Variants in MBP observed in about 807,000 individuals in gnomAD.
MBP encodes Golli-MBP.
A neutral mutation model predicts 35.8 loss-of-function variants in MBP; 16 were observed. The observed-to-expected ratio is 0.45, with a 90% CI of 0.30 to 0.68. The LOEUF (loss-of-function observed/expected upper bound fraction) is 0.68. Among genes scored for constraint, MBP ranks in the 30% least tolerant of loss-of-function variants. MBP has a pLI of 0.08. For missense variants in MBP, 380 were observed against 404.7 expected (o/e 0.94, Z 0.52); for synonymous variants, 143 against 159.6 (o/e 0.90, Z 0.78).
At chr18:77,087,958 C>T (rs1234148379) in intron 2 of MBP, among the ~76,000 whole-genome samples, 1 of 151,936 alleles carries the variant, frequency 6.6e-6, no homozygotes. Flanking sequence ...GTCCACGCGG[C>T]GCCTGGAGGG....
At chr18:77,062,373 C>G (rs765671509) in intron 3 of MBP, among the ~76,000 whole-genome samples, 24 of 152,132 alleles carry the variant, frequency 1.6e-4, no homozygotes, top group South Asian at 2.1e-4. Context: ...CGCTTAGCAG[C>G]AACTGGTCTA....
intron 2 of MBP, among the ~76,000 whole-genome samples, chr18:77,078,779 G>T (rs1262197074): frequency 6.6e-6 from 1 of 152,234 alleles, no homozygotes; most frequent in Non-Finnish European, 1.5e-5. Context: ...TCCTGTCTTG[G>T]CTGGCAGGGG....
chr18:77,017,423 C>CT, intron 3 of MBP, 155 bp from the exon 4 acceptor site: 1 of 532,358 alleles, frequency 1.9e-6, no homozygotes, highest in Non-Finnish European at 3.0e-6. Flanking sequence ...TGGAGCTAAC[C>CT]TGGATGGAGC....
intron 4 of MBP, chr18:77,004,852 G>A (rs975335395): frequency 6.6e-6 from 1 of 152,288 alleles, no homozygotes; most frequent in Non-Finnish European, 1.5e-5. Context: ...CAGAGATTCA[G>A]ATACTGCTTT....
intron 4 of MBP, chr18:77,012,792 C>T: frequency 2.0e-6 from 2 of 985,348 alleles, no homozygotes; most frequent in Non-Finnish European, 2.4e-6. Flanking sequence ...GTACACTGTC[C>T]TTGGTCTGTT....
chr18:76,980,637 G>A (rs1599445973), intron 8 of MBP, 166 bp from the exon 9 acceptor site: 1 of 610,986 alleles, frequency 1.6e-6, no homozygotes, highest in Non-Finnish European at 2.9e-6. Flanking sequence ...CATTTCTCCC[G>A]ACCTCCCTCA....
At chr18:77,122,247 AGCCC>A (rs1246321055) in intron 1 of MBP, among the ~76,000 whole-genome samples, 2 of 152,222 alleles carry the variant, frequency 1.3e-5, no homozygotes, top group African/African-American at 4.8e-5. Context: ...GTAGCATTTA[AGCCC>A]CTTGTAAACA....
intron 2 of MBP, among the ~76,000 whole-genome samples, chr18:77,087,954 G>C (rs1449043436): frequency 6.6e-6 from 1 of 151,968 alleles, no homozygotes; most frequent in Non-Finnish European, 1.5e-5. Context: ...CTATGTCCAC[G>C]CGGCGCCTGG....
intron 2 of MBP, among the ~76,000 whole-genome samples, chr18:77,104,565 T>C (rs1482742040): frequency 1.3e-5 from 2 of 152,212 alleles, no homozygotes; most frequent in Non-Finnish European, 2.9e-5. Context: ...CCATGGTGGG[T>C]GAGAAGAAAG....
chr18:77,063,921 TGTA>T (rs1974088035), intron 3 of MBP, among the ~76,000 whole-genome samples: 1 of 148,612 alleles, frequency 6.7e-6, no homozygotes, highest in Non-Finnish European at 1.5e-5. Flanking sequence ...TGTGTGTGTG[TGTA>T]TGTGTGTATT....
chr18:76,993,550 CAAAA>C (rs60296914), intron 4 of MBP, among the ~76,000 whole-genome samples: 2 of 112,836 alleles, frequency 1.8e-5, no homozygotes, highest in African/African-American at 6.6e-5. Flanking sequence ...ACTTTGTCTC[CAAAA>C]AAAAAAAAAA....
intron 2 of MBP, among the ~76,000 whole-genome samples, chr18:77,066,782 G>T (rs558414192): frequency 8.1e-4 from 124 of 152,350 alleles, no homozygotes; most frequent in South Asian, 1.7e-3. Context: ...GACACCTTTG[G>T]CTAACTGGAA....
intron 3 of MBP, among the ~76,000 whole-genome samples, chr18:77,028,327 G>A (rs975884862): frequency 5.7e-4 from 78 of 137,146 alleles, no homozygotes; most frequent in African/African-American, 2.0e-3. Context: ...CGATCAACAG[G>A]ATCCCAAGGC....
intron 3 of MBP, among the ~76,000 whole-genome samples, chr18:77,034,051 CAAAAA>C (rs398033591): frequency 8.5e-5 from 6 of 70,500 alleles, no homozygotes; most frequent in African/African-American, 1.6e-4. Flanking sequence ...CCTAATGGGG[CAAAAA>C]AAAAAAAAAA....
Position 77,017,121 on chromosome 18 carries a change from GA to G in MBP, c.286del (p.Ser96ProfsTer38). On this transcript the variant is annotated frameshift_variant, in exon 4 of 9. Transcript: ENST00000355994. LOFTEE classifies it high-confidence loss of function. ...GSRPHLIRLFSRDAPGREDNT... is the reference protein window; with the variant it reads ...GSRPHLIRLFXRDAPGREDNT... ...GTCCTCCCTCCCCGGGGCATCTCGG[GA>G]AAAGAGGCGGATCAAGTGGGGGCGG... 6.3e-7 allele frequency: 1 copy of G among 1,585,192 alleles called. No homozygotes were observed. The highest frequency in any genetic ancestry group is 8.6e-7 in the Non-Finnish European group (1 of 1,161,984).
chr18:76,984,972 A>G, intron 7 of MBP, 78 bp from the exon 8 acceptor site: 2 of 1,587,224 alleles, frequency 1.3e-6, no homozygotes. Flanking sequence ...AGCTGCCACC[A>G]GGGCCCCGGG....
chr18:77,090,534 C>T (rs1401342347), intron 2 of MBP, among the ~76,000 whole-genome samples: 1 of 152,234 alleles, frequency 6.6e-6, no homozygotes, highest in Non-Finnish European at 1.5e-5. Flanking sequence ...TGAGGTGGCT[C>T]TGTCCCTGCA....
intron 4 of MBP, chr18:77,014,538 A>T (rs1971521813): frequency 1.0e-6 from 1 of 985,360 alleles, no homozygotes; most frequent in South Asian, 4.7e-5. Context: ...ATATAAAAAC[A>T]GGGGCTCTCC....
At chr18:77,084,154 G>A (rs553496134) in intron 2 of MBP, among the ~76,000 whole-genome samples, 1 of 152,132 alleles carries the variant, frequency 6.6e-6, no homozygotes, top group South Asian at 2.1e-4. Context: ...ACTTAGATTA[G>A]TAAATGGCCC....
Sources: allele counts gnomAD v4.1 joint callset (sites outside exome capture counted in the v4.1 genomes callset), GRCh38; gene constraint gnomAD v4.1.1; transcripts MANE v1.5; gene names NCBI Gene and HGNC (gene_info 2026-07-23, HGNC 2026-07-21).